HAO2: variants seen among roughly 807,000 people sequenced by gnomAD.
HAO2 encodes hydroxyacid oxidase 2.
In HAO2, 42 loss-of-function variants were observed where a neutral mutation model predicts 37.4. That is an observed-to-expected ratio of 1.12 (90% CI 0.88 to 1.45). The LOEUF is 1.45. Ranked by LOEUF, HAO2 falls within the 40% of genes most tolerant of loss-of-function variation. HAO2 has a pLI of 0.00. For missense variants in HAO2, 476 were observed against 430.2 expected (o/e 1.11, Z -0.94); for synonymous variants, 180 against 162.8 (o/e 1.11, Z -0.81).
At chr1:119,385,282 C>G (rs1650290148) in intron 4 of HAO2, 2 of 985,122 alleles carry the variant, frequency 2.0e-6, no homozygotes, top group Admixed American at 6.2e-5. Context: ...TGGAGCTGCC[C>G]AACTTGTCAC....
chr1:119,389,154 A>ACGTATATATATGTG, intron 5 of HAO2, among the ~76,000 whole-genome samples: 1 of 78,908 alleles, frequency 1.3e-5, no homozygotes, highest in African/African-American at 4.4e-5. Context: ...ATATATATAT[A>ACGTATATATATGTG]TATATATATA....
intron 1 of HAO2, among the ~76,000 whole-genome samples, chr1:119,377,990 T>G (rs912524126): frequency 1.6e-4 from 24 of 152,160 alleles, no homozygotes; most frequent in African/African-American, 5.3e-4. Context: ...TTGCTTGAAC[T>G]GGGGAGACAG....
rs199705214 is a variant in HAO2, at chr1:119,382,931, C to T, written c.148C>T (p.Arg50Trp). The T allele has an allele frequency of 1.3e-4, 214 of 1,613,610 alleles. No individual in the cohort carries two copies. Among genetic ancestry groups the T allele is most frequent in the Admixed American group, 6.0e-4 (36 of 60,004 alleles). ...AAFKRIRLRP[R>W]YLRDVSEVDT... ...CCGGCACAGAATTCGCCTCCGTCCGCGGTACCTGAGAGATGTGTCTGAGGT... is the reference window on the plus strand; with the variant it reads ...CCGGCACAGAATTCGCCTCCGTCCGTGGTACCTGAGAGATGTGTCTGAGGT... Residue 50 changes from arginine to tryptophan, a missense_variant, in exon 3 of 8, where the codon CGG (arginine) becomes TGG (tryptophan). Arg to Trp is a moderately radical substitution (Grantham distance 101, BLOSUM62 -3). Transcript: ENST00000325945.
chr1:119,384,174 A>G lies in HAO2; in HGVS notation c.284-602A>G, dbSNP rs192438589. On this transcript the variant is annotated intron_variant, in intron 3 of 7. Transcript: ENST00000325945. Reference sequence around the variant, plus strand: ...CACCATCAACTTCATTAGCACTGGTATCTATGCAGTACACCACTTTGCAAT... The same window carrying G: ...CACCATCAACTTCATTAGCACTGGTGTCTATGCAGTACACCACTTTGCAAT... 3.9e-5 allele frequency among the ~76,000 whole-genome samples: 6 copies of G among 152,296 alleles called. No individual in the cohort carries two copies. In the East Asian group the frequency reaches 1.2e-3, roughly 29 times the overall value.
chr1:119,383,381 T>C (rs1650118092), intron 3 of HAO2, among the ~76,000 whole-genome samples: 1 of 152,032 alleles, frequency 6.6e-6, no homozygotes. Flanking sequence ...GGGAAAGGGA[T>C]GCTTAACGCA....
Position 119,371,351 on chromosome 1 carries a change from T to A in HAO2, c.-9+2449T>A, listed in dbSNP as rs1282910237. ...GGATTGTTGTAAGCACCAAATGGAA[T>A]AACGTATAGAAGAGTGCTCTGTAGA... On this transcript the variant is annotated intron_variant, in intron 1 of 7. Transcript: ENST00000325945. Among the ~76,000 whole-genome samples, 6 of 152,232 alleles carry A rather than the reference T, an allele frequency of 3.9e-5. No individual in the cohort carries two copies. In the East Asian group the frequency reaches 1.2e-3, roughly 29 times the overall value.
intron 3 of HAO2, 23 bp downstream of exon 3, chr1:119,383,089 G>A (rs751252698): frequency 5.2e-5 from 83 of 1,591,376 alleles, no homozygotes; most frequent in Non-Finnish European, 6.6e-5. Context: ...CCCACCTCGA[G>A]GCTCCTTTCC....
At chr1:119,376,548 G>T (rs1241359623) in intron 1 of HAO2, among the ~76,000 whole-genome samples, 1 of 152,226 alleles carries the variant, frequency 6.6e-6, no homozygotes, top group Non-Finnish European at 1.5e-5. Flanking sequence ...GTGCCCCAGT[G>T]GGGACTCTGT....
At chr1:119,382,757 T>C (rs774802149) in intron 2 of HAO2, among the ~76,000 whole-genome samples, 158 bp from the exon 3 acceptor site, 7 of 152,182 alleles carry the variant, frequency 4.6e-5, no homozygotes, top group South Asian at 2.1e-4. Context: ...TGGATCAACA[T>C]AGGTTACTCA....
At chr1:119,389,606 G>A (rs59412928) in intron 5 of HAO2, among the ~76,000 whole-genome samples, 4,303 of 148,262 alleles carry the variant, frequency 0.029, 191 homozygotes, top group African/African-American at 0.099. Context: ...TTATCTATTC[G>A]TGTCCTTAGC....
At chr1:119,384,565 A>G (rs2101233295) in intron 3 of HAO2, among the ~76,000 whole-genome samples, 1 of 152,340 alleles carries the variant, frequency 6.6e-6, no homozygotes, top group Middle Eastern at 3.4e-3. Flanking sequence ...GGTTTGTAAG[A>G]CAGGTTATAC....
intron 2 of HAO2, among the ~76,000 whole-genome samples, chr1:119,381,420 A>G (rs1333342778): frequency 6.6e-6 from 1 of 152,182 alleles, no homozygotes; most frequent in Non-Finnish European, 1.5e-5. Context: ...AATTTCTGTT[A>G]TAGCCAGCAT....
chr1:119,381,948 T>C (rs1649982420), intron 2 of HAO2, among the ~76,000 whole-genome samples: 1 of 152,204 alleles, frequency 6.6e-6, no homozygotes, highest in South Asian at 2.1e-4. Flanking sequence ...AAGAGCAGTG[T>C]TGAATAACTG....
intron 1 of HAO2, among the ~76,000 whole-genome samples, chr1:119,371,520 A>G (rs1649010141): frequency 6.6e-6 from 1 of 152,200 alleles, no homozygotes; most frequent in Non-Finnish European, 1.5e-5. Context: ...TAATCCTCTA[A>G]GGTCCGTGCC....
chr1:119,387,679 T>C (rs1650495818), intron 5 of HAO2, among the ~76,000 whole-genome samples: 1 of 152,236 alleles, frequency 6.6e-6, no homozygotes, highest in Admixed American at 6.5e-5. Context: ...TAGCATTATA[T>C]TAAGAGCAAC....
At position 119,380,169 on chromosome 1, in the gene HAO2, G is replaced by GA. The variant is rs1228685981; in HGVS notation, c.-8-906dup. Among the ~76,000 whole-genome samples, 10 of 152,250 alleles carry GA rather than the reference G, an allele frequency of 6.6e-5. No homozygotes were observed. In the East Asian group the frequency reaches 1.9e-3, roughly 29 times the overall value. On this transcript the variant is annotated intron_variant, in intron 1 of 7. Coordinates refer to ENST00000325945, the MANE Select transcript of HAO2 (RefSeq NM_016527.4). ...TGCAGGAGCTCTACATGCTGTAACT[G>GA]AAAGCAACTAGTGTCTTCAGCGTCT... is the stretch of plus-strand genomic sequence containing the variant.
intron 5 of HAO2, among the ~76,000 whole-genome samples, chr1:119,388,315 CT>C (rs1650553832): frequency 6.6e-6 from 1 of 152,158 alleles, no homozygotes; most frequent in African/African-American, 2.4e-5. Context: ...TGAAAGAAAG[CT>C]AATAAAATAC....
At position 119,384,884 on chromosome 1, in the gene HAO2, T is replaced by C; in HGVS notation, c.392T>C (p.Val131Ala). The change falls in exon 4 of 8, where the codon GTG (valine) becomes GCG (alanine). Residue 131 changes from valine to alanine, a missense_variant. Transcript: ENST00000325945. ...GGCCTCCGATGGTTCCAACTCTATG[T>C]GCATCCAGACCTGCAGCTGAACAAA... ...PEGLRWFQLY[V>A]HPDLQLNKQL... 6.2e-7 allele frequency: 1 copy of C among 1,613,986 alleles called. No homozygotes were observed. Among genetic ancestry groups the C allele is most frequent in the South Asian group, 1.1e-5 (1 of 91,076 alleles).
chr1:119,384,166 G>A (rs1650190870), intron 3 of HAO2, among the ~76,000 whole-genome samples: 1 of 152,164 alleles, frequency 6.6e-6, no homozygotes, highest in African/African-American at 2.4e-5. Flanking sequence ...AACTTCATTA[G>A]CACTGGTATC....
Sources: allele counts gnomAD v4.1 joint callset (sites outside exome capture counted in the v4.1 genomes callset), GRCh38; gene constraint gnomAD v4.1.1; transcripts MANE v1.5; gene names NCBI Gene and HGNC (gene_info 2026-07-23, HGNC 2026-07-21).